The following KIAA0825 variants were observed in gnomAD, a reference collection of about 807,000 sequenced individuals.
KIAA0825 encodes KIAA0825, also known as uncharacterized protein KIAA0825.
A neutral mutation model predicts 147.6 loss-of-function variants in KIAA0825; 119 were observed. The ratio of observed to expected loss-of-function variants is 0.81; its 90% confidence interval spans 0.69 to 0.94. KIAA0825 has a LOEUF of 0.94. Among genes scored for constraint, KIAA0825 ranks in the 40% least tolerant of loss-of-function variants. KIAA0825 has a pLI of 0.00. For synonymous variants in KIAA0825, 470 were observed against 518.1 expected (o/e 0.91, Z 1.26); for missense variants, 1,381 against 1,472.7 (o/e 0.94, Z 1.02).
At chr5:94,465,314 G>A (rs562720218) in intron 10 of KIAA0825, among the ~76,000 whole-genome samples, 93 of 152,216 alleles carry the variant, frequency 6.1e-4, no homozygotes, top group Middle Eastern at 6.8e-3. Flanking sequence ...ATTTACCTAC[G>A]CCTAGCCTAG....
chr5:94,574,125 T>C (rs529169182), intron 2 of KIAA0825, among the ~76,000 whole-genome samples: 2 of 152,272 alleles, frequency 1.3e-5, no homozygotes, highest in Admixed American at 1.3e-4. Flanking sequence ...AAGGATTTCC[T>C]AAAGGTTGGG....
chr5:94,159,979 C>T (rs1437343495), intron 20 of KIAA0825, among the ~76,000 whole-genome samples: 1 of 151,998 alleles, frequency 6.6e-6, no homozygotes, highest in Non-Finnish European at 1.5e-5. Context: ...ATTGTTCTAC[C>T]AATATATAGC....
At chr5:94,170,908 T>G (rs1768551957) in intron 20 of KIAA0825, among the ~76,000 whole-genome samples, 2 of 152,202 alleles carry the variant, frequency 1.3e-5, no homozygotes, top group Non-Finnish European at 2.9e-5. Context: ...TCATGGAATA[T>G]GACATGCTTT....
intron 20 of KIAA0825, among the ~76,000 whole-genome samples, chr5:94,175,604 C>A (rs926373235): frequency 6.6e-6 from 1 of 152,156 alleles, no homozygotes; most frequent in African/African-American, 2.4e-5. Flanking sequence ...CTGTATTCTC[C>A]TGTTCTAAGT....
At chr5:94,573,177 A>T (rs544303137) in intron 2 of KIAA0825, among the ~76,000 whole-genome samples, 2 of 152,128 alleles carry the variant, frequency 1.3e-5, no homozygotes, top group Non-Finnish European at 2.9e-5. Flanking sequence ...TTCTGGTGAC[A>T]ATTGGTTGAG....
chr5:94,285,045 A>C (rs1212645743), intron 20 of KIAA0825, among the ~76,000 whole-genome samples: 1 of 152,122 alleles, frequency 6.6e-6, no homozygotes, highest in Non-Finnish European at 1.5e-5. Context: ...TGCATGAATA[A>C]TACAGAACAA....
intron 20 of KIAA0825, among the ~76,000 whole-genome samples, chr5:94,163,569 T>C (rs1160473140): frequency 6.6e-6 from 1 of 152,166 alleles, no homozygotes; most frequent in African/African-American, 2.4e-5. Context: ...AGCTTTGATG[T>C]AAAGAGGATG....
chr5:94,567,836 G>C (rs190697992), intron 2 of KIAA0825: 1 of 155,046 alleles, frequency 6.4e-6, no homozygotes, highest in East Asian at 1.9e-4. Flanking sequence ...ACTCCCCTCA[G>C]CCATAGAAGG....
chr5:94,474,956 G>A (rs1761687131), intron 7 of KIAA0825, among the ~76,000 whole-genome samples: 1 of 152,074 alleles, frequency 6.6e-6, no homozygotes. Context: ...GGGCGTGGTG[G>A]CACGTGCCTG....
At chr5:94,592,460 G>C (rs1435138992) in intron 1 of KIAA0825, among the ~76,000 whole-genome samples, 1 of 152,196 alleles carries the variant, frequency 6.6e-6, no homozygotes, top group Non-Finnish European at 1.5e-5. Flanking sequence ...CATGGGAAAG[G>C]TGATGTCTCT....
At chr5:94,595,807 C>T (rs1785207067) in intron 1 of KIAA0825, among the ~76,000 whole-genome samples, 1 of 152,158 alleles carries the variant, frequency 6.6e-6, no homozygotes, top group African/African-American at 2.4e-5. Flanking sequence ...ATCCTGAATG[C>T]TTTGCTGCCT....
At chr5:94,304,386 C>A (rs1343754968) in intron 20 of KIAA0825, among the ~76,000 whole-genome samples, 1 of 151,928 alleles carries the variant, frequency 6.6e-6, no homozygotes, top group Non-Finnish European at 1.5e-5. Flanking sequence ...TTTAGCCTGG[C>A]AAGAGAGGGA....
rs1421785006 is a variant in KIAA0825 at position 94,391,682 on chromosome 5, T to C, written c.3309A>G (p.Thr1103=). 6.5e-7 allele frequency: 1 copy of C among 1,541,252 alleles called. No homozygotes were observed. The highest frequency in any genetic ancestry group is 8.8e-7 in the Non-Finnish European group (1 of 1,142,250). The stretch of plus-strand genomic sequence containing the variant: ...CTTGTAAGGCCGTGCTTTTCTCTAT[T>C]GTCATAAATGCACTAAATACAAAGA... ...RKLSTECAFM[T]IEKSTALQEG... is the part of the protein sequence containing the mutation. The change falls in exon 18 of 21, where the codon ACA becomes ACG. Residue 1103 remains threonine, a synonymous_variant. Transcript: ENST00000682413.
chr5:94,338,685 G>A (rs1264054), intron 20 of KIAA0825, among the ~76,000 whole-genome samples: 8,851 of 152,120 alleles, frequency 0.058, 344 homozygotes, highest in South Asian at 0.095. Context: ...TTGTAGCCTA[G>A]GAGCAACAGA....
At chr5:94,370,326 C>G (rs1247739151) in intron 20 of KIAA0825, among the ~76,000 whole-genome samples, 1 of 152,186 alleles carries the variant, frequency 6.6e-6, no homozygotes. Flanking sequence ...GGTGATAAAA[C>G]TCTCTGTATT....
intron 2 of KIAA0825, among the ~76,000 whole-genome samples, chr5:94,563,420 CTA>C (rs1355803479): frequency 2.6e-5 from 4 of 151,658 alleles, no homozygotes; most frequent in Non-Finnish European, 4.4e-5. Flanking sequence ...TAGAAAAGTT[CTA>C]TATGTCAATT....
intron 5 of KIAA0825, among the ~76,000 whole-genome samples, chr5:94,489,776 C>T (rs569654357): frequency 6.6e-6 from 1 of 150,624 alleles, no homozygotes; most frequent in South Asian, 2.1e-4. Flanking sequence ...GTCTCAGCTA[C>T]TTAGGAGGCT....
At chr5:94,242,215 C>T (rs1447754605) in intron 20 of KIAA0825, among the ~76,000 whole-genome samples, 35 of 152,194 alleles carry the variant, frequency 2.3e-4, no homozygotes, top group Admixed American at 2.3e-3. Flanking sequence ...TTCAACTTGT[C>T]CCCATCTAAA....
chr5:94,592,780 T>C (rs144756106), intron 1 of KIAA0825: 1 of 374,108 alleles, frequency 2.7e-6, no homozygotes, highest in Non-Finnish European at 5.2e-6. Context: ...TCAAAAAACA[T>C]CTGTTTGCCT....
Sources: allele counts gnomAD v4.1 joint callset (sites outside exome capture counted in the v4.1 genomes callset), GRCh38; gene constraint gnomAD v4.1.1; transcripts MANE v1.5; gene names NCBI Gene and HGNC (gene_info 2026-07-23, HGNC 2026-07-21).